The following TP53BP1 variants were observed in gnomAD, a reference collection of about 807,000 sequenced individuals.
TP53BP1 encodes the protein TP53-binding protein 1.
TP53BP1 carries 61 observed loss-of-function variants against 200.8 expected under a neutral mutation model. The observed-to-expected ratio is 0.30, with a 90% CI of 0.25 to 0.38. TP53BP1 has a LOEUF of 0.38. Ranked by LOEUF, TP53BP1 falls within the 10% of genes least tolerant of loss-of-function variation. The pLI is 1.00. For synonymous variants in TP53BP1, 822 were observed against 844.3 expected, an observed-to-expected ratio of 0.97 and a Z score of 0.46; for missense variants, 2,144 against 2,371.9, an observed-to-expected ratio of 0.90 and a Z score of 2.00.
At position 43,456,417 on chromosome 15, in the gene TP53BP1, C is replaced by T; in HGVS notation, c.2191G>A (p.Asp731Asn). Residue 731 changes from aspartate to asparagine, a missense_variant, in exon 12 of 28, where the codon GAT becomes AAT. Transcript: ENST00000382044. ...AGTATTGCCAACTTTTGAGGGGAAT[C>T]AATACTAATCACACTGGTTTCAACT... is the stretch of plus-strand genomic sequence containing the variant. ...MEVETSVISI[D>N]SPQKLAILDQ... The T allele has an allele frequency of 6.3e-7, 1 of 1,584,710 alleles. No individual in the cohort carries two copies. Among genetic ancestry groups the T allele is most frequent in the Non-Finnish European group, 8.5e-7 (1 of 1,170,078 alleles).
At position 43,492,897 on chromosome 15, in the gene TP53BP1, C is replaced by A; in HGVS notation, c.7+140G>T. On this transcript the variant is annotated intron_variant, in intron 1 of 27. Transcript: ENST00000382044. The stretch of plus-strand genomic sequence containing the variant: ...GCCTTCTTAGCTAACGTTTCCCCAC[C>A]CCCTCCTTAGGGCCCTCCAACCCCT... The A allele has an allele frequency of 3.6e-6, 3 of 834,954 alleles. No individual in the cohort carries two copies. In the South Asian group the frequency reaches 4.9e-5, roughly 14 times the overall value. The allele number at this position is 834,954 out of a possible 1,614,324, so 51.7% of individuals were successfully genotyped here.
At chr15:43,489,583 G>A (rs1042133504) in intron 4 of TP53BP1, among the ~76,000 whole-genome samples, 2 of 152,204 alleles carry the variant, frequency 1.3e-5, no homozygotes, top group Admixed American at 6.5e-5. Context: ...ATAATGAATT[G>A]TAGTGACTAT....
chr15:43,475,521 C>G (rs1166386547), intron 9 of TP53BP1, 44 bp downstream of exon 9: 13 of 1,607,516 alleles, frequency 8.1e-6, no homozygotes, highest in African/African-American at 1.3e-5. Context: ...CTAAGACTCT[C>G]AGGCACATAC....
intron 15 of TP53BP1, among the ~76,000 whole-genome samples, chr15:43,439,364 C>T (rs968215851): frequency 6.6e-6 from 1 of 152,114 alleles, no homozygotes; most frequent in Non-Finnish European, 1.5e-5. Flanking sequence ...CATGACGAAA[C>T]CCCATCTCTA....
intron 17 of TP53BP1, among the ~76,000 whole-genome samples, chr15:43,430,641 T>C (rs1012157869): frequency 6.6e-6 from 1 of 152,124 alleles, no homozygotes; most frequent in Non-Finnish European, 1.5e-5. Context: ...CACTACAATA[T>C]CTCCTTTATC....
intron 16 of TP53BP1, among the ~76,000 whole-genome samples, chr15:43,436,236 C>A (rs750505894): frequency 2.6e-5 from 4 of 152,100 alleles, no homozygotes. Flanking sequence ...GGCCATCCAC[C>A]CACCTCGGTC....
intron 12 of TP53BP1, among the ~76,000 whole-genome samples, chr15:43,448,698 C>A (rs2046098211): frequency 6.6e-6 from 1 of 151,780 alleles, no homozygotes; most frequent in Non-Finnish European, 1.5e-5. Flanking sequence ...CTCCATCACG[C>A]CCAGCTAATT....
At chr15:43,469,470 C>T (rs1283788975) in intron 11 of TP53BP1, among the ~76,000 whole-genome samples, 2 of 151,954 alleles carry the variant, frequency 1.3e-5, no homozygotes, top group Non-Finnish European at 2.9e-5. Flanking sequence ...TGTGGGGGCA[C>T]ATATCGTCAG....
At chr15:43,409,789 T>A in intron 24 of TP53BP1, 48 bp from the exon 25 acceptor site, 2 of 972,078 alleles carry the variant, frequency 2.1e-6, no homozygotes, top group Non-Finnish European at 3.0e-6. Context: ...GTGGTTTTCT[T>A]ATTTGCTACC....
intron 14 of TP53BP1, among the ~76,000 whole-genome samples, chr15:43,442,664 A>AT (rs1328481195): frequency 1.3e-5 from 2 of 150,978 alleles, no homozygotes; most frequent in Non-Finnish European, 3.0e-5. Flanking sequence ...CACCCAGCTA[A>AT]TTTTTGTATT....
In TP53BP1 at chr15:43,422,004, T is replaced by A. The variant is rs540894780; in HGVS notation, c.3951A>T (p.Leu1317Phe). The A allele has an allele frequency of 2.8e-5, 46 of 1,614,166 alleles. No homozygotes were observed. In the Middle Eastern group the frequency reaches 9.9e-4, roughly 35 times the overall value. The part of the protein sequence containing the change: ...ISSFSSKASS[L>F]HRTSSGTSLS... ...GACTTGTCCCACTTGATGTGCGGTGTAAGCTGGATGCCTTGGAGGAGAAGG... is the reference window on the plus strand; with the variant it reads ...GACTTGTCCCACTTGATGTGCGGTGAAAGCTGGATGCCTTGGAGGAGAAGG... The change falls in exon 19 of 28, where the codon TTA becomes TTT. Residue 1317 changes from leucine (L) to phenylalanine (F), a missense_variant. Coordinates refer to ENST00000382044, the MANE Select transcript of TP53BP1 (RefSeq NM_001141980.3).
Position 43,443,036 on chromosome 15 carries a change from G to A in TP53BP1, c.3041-1453C>T, listed in dbSNP as rs902539012. On this transcript the variant is annotated intron_variant, in intron 14 of 27. Coordinates refer to ENST00000382044, the MANE Select transcript of TP53BP1 (RefSeq NM_001141980.3). ...AGATGGGGTTTCACCATCTTGGCCA[G>A]GCTGGTCTCGAACTCCTGACCTCAG... Among the ~76,000 whole-genome samples, 10 of 151,518 alleles carry A rather than the reference G, an allele frequency of 6.6e-5. No homozygotes were observed. The East Asian group carries it at 1.6e-3, about 24-fold the overall frequency.
chr15:43,414,702 T>C (rs2045218667), intron 23 of TP53BP1, among the ~76,000 whole-genome samples: 1 of 151,668 alleles, frequency 6.6e-6, no homozygotes, highest in African/African-American at 2.4e-5. Flanking sequence ...AAGAGCATAC[T>C]GAAATATGAC....
At chr15:43,496,037 A>G (rs1380807516), upstream of TP53BP1, among the ~76,000 whole-genome samples, 1 of 152,022 alleles carries the variant, frequency 6.6e-6, no homozygotes, top group Non-Finnish European at 1.5e-5. Flanking sequence ...GCCTTTATTG[A>G]CTCCTAGACT....
At chr15:43,498,715 C>G (rs2079193795) in intron 1 of TP53BP1, among the ~76,000 whole-genome samples, 2 of 152,128 alleles carry the variant, frequency 1.3e-5, no homozygotes. Context: ...AATGGGAGCA[C>G]TGTTGATATC....
intron 10 of TP53BP1, among the ~76,000 whole-genome samples, chr15:43,471,378 A>C (rs940171992): frequency 2.6e-5 from 4 of 152,056 alleles, no homozygotes; most frequent in Non-Finnish European, 1.5e-5. Context: ...AATTTCCTAT[A>C]TACTTAACAA....
chr15:43,403,691 C>T lies in TP53BP1; in HGVS notation c.*3692G>A, dbSNP rs370551367. On this transcript the variant is annotated 3_prime_UTR_variant, in exon 28 of 28. Transcript: ENST00000382044. Reference sequence around the variant, plus strand: ...CTCTGTTTCCCGGGTAGGTGTTTCACTGCCTGAATGAAATCCTAGATCTCT... The same window carrying T: ...CTCTGTTTCCCGGGTAGGTGTTTCATTGCCTGAATGAAATCCTAGATCTCT... 6 of 1,611,714 alleles carry T rather than the reference C, an allele frequency of 3.7e-6. No individual in the cohort carries two copies. In the South Asian group the frequency reaches 4.4e-5, roughly 12 times the overall value.
At chr15:43,446,828 T>C (rs2046052533) in intron 13 of TP53BP1, 1 of 1,467,492 alleles carries the variant, frequency 6.8e-7, no homozygotes, top group East Asian at 3.0e-5. Context: ...GGATGCTGCA[T>C]GAGCCCTCAG....
In TP53BP1 at chr15:43,491,750, G is replaced by C; in HGVS notation, c.290C>G (p.Pro97Arg). ...TGTGTCCAAGTTAGAAGAATCCACA[G>C]GGTCTGAAAAAAATAACTGGATATT... ...EHLKENKVADPVDSSNLDTCG... is the reference protein window; with the variant it reads ...EHLKENKVADRVDSSNLDTCG... Residue 97 changes from proline to arginine, a missense_variant, in exon 4 of 28, where the codon CCT becomes CGT. Around this residue, in one of 4 missense-constraint regions of TP53BP1, gnomAD observed 1,700 missense variants for 1,710.3 expected, o/e 0.99. Coordinates refer to ENST00000382044, the MANE Select transcript of TP53BP1 (RefSeq NM_001141980.3). 1 of 1,613,386 alleles carries C rather than the reference G, an allele frequency of 6.2e-7. No individual in the cohort carries two copies. Among genetic ancestry groups the C allele is most frequent in the Non-Finnish European group, 8.5e-7 (1 of 1,179,498 alleles).
Sources: gnomAD v4.1 joint callset for allele counts (sites outside exome capture counted in the v4.1 genomes callset) on GRCh38, gnomAD v4.1.1 for gene constraint, gnomAD v4.1.1 regional missense constraint, MANE v1.5 for transcripts, NCBI Gene and HGNC (gene_info 2026-07-23, HGNC 2026-07-21) for gene names.